The following RNF125 variants were observed in gnomAD, a reference collection of about 807,000 sequenced individuals.
RNF125 encodes the protein ring finger protein 125.
Under a neutral mutation model 26.0 loss-of-function variants are expected in RNF125, and 21 were observed. The observed-to-expected ratio is 0.81, with a 90% CI of 0.57 to 1.16. The LOEUF is 1.16. RNF125 is among the 50% of genes most tolerant of loss of function. The probability of loss-of-function intolerance (pLI) is 0.00; values close to 1 mark genes in which losing one functional copy is unlikely to be tolerated. For missense variants in RNF125, 270 were observed against 299.4 expected (o/e 0.90, Z 0.72); for synonymous variants, 95 against 109.2 (o/e 0.87, Z 0.81).
At chr18:32,026,242 CTTTTTTTTTTTTT>C (rs1181390375) in intron 1 of RNF125, among the ~76,000 whole-genome samples, 2 of 73,142 alleles carry the variant, frequency 2.7e-5, no homozygotes, top group African/African-American at 6.5e-5. Flanking sequence ...AGCACCCGGT[CTTTTTTTTTTTTT>C]TTTTTTTTTT....
the RNF125 span, among the ~76,000 whole-genome samples, chr18:32,090,585 C>G: frequency 0.011 from 1,662 of 152,290 alleles, 12 homozygotes; most frequent in Non-Finnish European, 0.018. Context: ...TTTCTGTTAA[C>G]TCTATATATT....
At chr18:32,042,137 CT>C in intron 2 of RNF125, 41 bp from the exon 3 acceptor site, 3 of 1,447,704 alleles carry the variant, frequency 2.1e-6, no homozygotes, top group Non-Finnish European at 2.9e-6. Context: ...TCATTGAGCC[CT>C]TTTTTAACAG....
intron 1 of RNF125, 21 bp downstream of exon 1, chr18:32,019,048 G>T (rs1199967762): frequency 5.0e-6 from 8 of 1,610,466 alleles, no homozygotes; most frequent in Non-Finnish European, 6.8e-6. Context: ...GGGGAGCTCG[G>T]TTTGCGCCCA....
At chr18:32,046,789 T>C (rs1392693480) in intron 4 of RNF125, among the ~76,000 whole-genome samples, 2 of 152,186 alleles carry the variant, frequency 1.3e-5, no homozygotes, top group Admixed American at 6.5e-5. Context: ...TTTTCAGCCT[T>C]GGCGTTTTAG....
At chr18:32,075,398 A>G (rs1455515800), downstream of RNF125, among the ~76,000 whole-genome samples, 1 of 152,050 alleles carries the variant, frequency 6.6e-6, no homozygotes, top group East Asian at 1.9e-4. Context: ...TCTCTACTAA[A>G]AATACAAAAA....
chr18:32,057,453 G>A (rs2039396701), intron 4 of RNF125, among the ~76,000 whole-genome samples: 1 of 151,416 alleles, frequency 6.6e-6, no homozygotes, highest in South Asian at 2.1e-4. Context: ...TCCTGCCTCA[G>A]TCTCCCGAGT....
At chr18:32,026,698 C>T (rs1001728054) in intron 1 of RNF125, among the ~76,000 whole-genome samples, 17 of 152,106 alleles carry the variant, frequency 1.1e-4, no homozygotes, top group Admixed American at 6.6e-5. Context: ...TCTCTGGCCC[C>T]GTAGAGGAAG....
chr18:32,036,257 A>G (rs1032690416), intron 1 of RNF125, among the ~76,000 whole-genome samples: 1 of 151,910 alleles, frequency 6.6e-6, no homozygotes, highest in South Asian at 2.1e-4. Flanking sequence ...TCAGTTTTGA[A>G]ATTTCATTCA....
chr18:32,021,381 T>C (rs1297275039), intron 1 of RNF125, among the ~76,000 whole-genome samples: 1 of 152,180 alleles, frequency 6.6e-6, no homozygotes, highest in Non-Finnish European at 1.5e-5. Context: ...AGCCCGGCCG[T>C]AGCTGTATTT....
intron 1 of RNF125, among the ~76,000 whole-genome samples, chr18:32,036,414 C>T (rs923284963): frequency 4.0e-4 from 61 of 151,620 alleles, no homozygotes; most frequent in African/African-American, 1.4e-3. Flanking sequence ...GTATAAATTA[C>T]CCAAATGCTC....
In RNF125 at chr18:32,068,397, G is replaced by C. The variant is rs1268668204; in HGVS notation, c.*13G>C. ...GAACACCACATAATTTTATTAAAAC[G>C]AAGGGAAAAGGGACCACTGAATTGC... On this transcript the variant is annotated 3_prime_UTR_variant, in exon 6 of 6. Transcript: ENST00000217740. 1 of 1,469,768 alleles carries C rather than the reference G, an allele frequency of 6.8e-7. No individual in the cohort carries two copies. Among genetic ancestry groups the C allele is most frequent in the Non-Finnish European group, 9.5e-7 (1 of 1,049,082 alleles). The allele number at this position is 1,469,768 out of a possible 1,614,324, so 91.0% of individuals were successfully genotyped here. A position where few individuals can be genotyped will look rare whatever the true frequency, so the allele number is the denominator to read the frequency against.
rs527562205 is a variant in RNF125 at position 32,036,965 on chromosome 18, G to C, written c.165-151G>C. On this transcript the variant is annotated intron_variant, in intron 1 of 5. Coordinates refer to ENST00000217740, the MANE Select transcript of RNF125 (RefSeq NM_017831.4). The stretch of plus-strand genomic sequence containing the variant: ...TGCTGGGAAGGTAAGCAATTCTCGG[G>C]AAGTGCAGGGTGCAAGTGGACCTGT... 2.5e-4 allele frequency: 155 copies of C among 624,626 alleles called. No individual in the cohort carries two copies. The Middle Eastern group carries it at 4.2e-3, about 17-fold the overall frequency. The allele number at this position is 624,626 out of a possible 1,614,324, so 38.7% of individuals were successfully genotyped here.
At position 32,034,900 on chromosome 18, in the gene RNF125, C is replaced by A. The variant is rs921567709; in HGVS notation, c.165-2216C>A. The stretch of plus-strand genomic sequence containing the variant: ...TGGGCAACAGAGCGAAACTCCATCT[C>A]AAAAAAAAAAAAAAAAAATTACCAT... On this transcript the variant is annotated intron_variant, in intron 1 of 5. Coordinates refer to ENST00000217740, the MANE Select transcript of RNF125 (RefSeq NM_017831.4). Among the ~76,000 whole-genome samples the A allele has an allele frequency of 4.1e-3, 463 of 113,512 alleles. 1 individual carries two copies. The highest frequency in any genetic ancestry group is 5.8e-3 in the South Asian group (18 of 3,092). The allele number at this position is 113,512 out of a possible 152,430, so 74.5% of individuals were successfully genotyped here. A position where few individuals can be genotyped will look rare whatever the true frequency, so the allele number is the denominator to read the frequency against.
At chr18:32,029,070 G>A (rs768182463) in intron 1 of RNF125, among the ~76,000 whole-genome samples, 1 of 152,158 alleles carries the variant, frequency 6.6e-6, no homozygotes, top group Non-Finnish European at 1.5e-5. Flanking sequence ...GAAGAACACT[G>A]TGCCATGAAA....
chr18:32,083,198 A>G, the RNF125 span, among the ~76,000 whole-genome samples: 1 of 152,224 alleles, frequency 6.6e-6, no homozygotes, highest in African/African-American at 2.4e-5. Flanking sequence ...GGTGGTTGAT[A>G]GGAATTACAT....
chr18:32,071,498 C>A lies in RNF125; in HGVS notation c.*3114C>A, dbSNP rs1162504220. 1 of 152,086 alleles carries A rather than the reference C, an allele frequency of 6.6e-6. No homozygotes were observed. The highest frequency in any genetic ancestry group is 6.6e-5 in the Admixed American group (1 of 15,240). 9.4% of individuals were successfully genotyped at this position (152,086 alleles called of 1,614,324 possible). On this transcript the variant is annotated 3_prime_UTR_variant, in exon 6 of 6. Transcript: ENST00000217740. ...CATATCTGACTCTTTAATTATGAAT[C>A]CAGGGCATAGATTAGTATCTCCATC...
At chr18:32,057,976 C>T (rs147501167) in intron 4 of RNF125, among the ~76,000 whole-genome samples, 30 of 151,912 alleles carry the variant, frequency 2.0e-4, no homozygotes, top group African/African-American at 6.7e-4. Context: ...TCCTTTAAAG[C>T]GCTAAAGTGG....
chr18:32,036,998 T>C lies in RNF125; in HGVS notation c.165-118T>C, dbSNP rs561578068. 159 of 848,442 alleles carry C rather than the reference T, an allele frequency of 1.9e-4. 1 individual carries two copies. The East Asian group carries it at 3.8e-3, about 20-fold the overall frequency. The allele number at this position is 848,442 out of a possible 1,614,324, so 52.6% of individuals were successfully genotyped here. On this transcript the variant is annotated intron_variant, in intron 1 of 5. Coordinates refer to ENST00000217740, the MANE Select transcript of RNF125 (RefSeq NM_017831.4). Reference sequence around the variant, plus strand: ...GGGTGCAAGTGGACCTGTAATTTGGTAGTATGGCTCATGGGGTACGAGGTG... The same window carrying C: ...GGGTGCAAGTGGACCTGTAATTTGGCAGTATGGCTCATGGGGTACGAGGTG...
the RNF125 span, among the ~76,000 whole-genome samples, chr18:32,084,121 C>T: frequency 1.5e-4 from 23 of 152,214 alleles, no homozygotes; most frequent in South Asian, 2.1e-4. Context: ...TTTGGGAGGC[C>T]GACGCAGGTG....
Sources: gnomAD v4.1 joint callset for allele counts (sites outside exome capture counted in the v4.1 genomes callset) on GRCh38, gnomAD v4.1.1 for gene constraint, MANE v1.5 for transcripts, NCBI Gene and HGNC (gene_info 2026-07-23, HGNC 2026-07-21) for gene names.